The following GPM6B variants were observed in gnomAD, a reference collection of about 807,000 sequenced individuals.
GPM6B encodes the protein glycoprotein M6B, also known as neuronal membrane glycoprotein M6-b.
Under a neutral mutation model 27.2 loss-of-function variants are expected in GPM6B, and 4 were observed. The ratio of observed to expected loss-of-function variants is 0.15; its 90% CI spans 0.07 to 0.34. The LOEUF (loss-of-function observed/expected upper bound fraction) is 0.34. GPM6B is among the 10% of genes least tolerant of loss of function. The probability of loss-of-function intolerance (pLI) is 1.00; values close to 1 mark genes in which losing one functional copy is unlikely to be tolerated. For missense variants in GPM6B, 183 were observed against 261.9 expected (o/e 0.70, Z 2.08); for synonymous variants, 124 against 103.1 (o/e 1.20, Z -1.23).
chrX:13,853,264 C>T (rs2049740571), intron 1 of GPM6B, among the ~76,000 whole-genome samples: 1 of 110,710 alleles, frequency 9.0e-6, no homozygotes, highest in Admixed American at 9.7e-5. Context: ...GTACTTAGAG[C>T]CAATATTTAT....
At chrX:13,784,943 G>C (rs888399032) in intron 3 of GPM6B, among the ~76,000 whole-genome samples, 1 of 111,605 alleles carries the variant, frequency 9.0e-6, no homozygotes, top group African/African-American at 3.3e-5. Flanking sequence ...TACCATTCCA[G>C]GGATGGTCAC....
At chrX:13,918,743 C>G (rs1223905221) in intron 1 of GPM6B, among the ~76,000 whole-genome samples, 1 of 111,297 alleles carries the variant, frequency 9.0e-6, no homozygotes, top group African/African-American at 3.3e-5. Flanking sequence ...AAAGGGGAAG[C>G]AGGCACCTAA....
intron 1 of GPM6B, among the ~76,000 whole-genome samples, chrX:13,924,216 C>G (rs1012553907): frequency 8.9e-6 from 1 of 112,530 alleles, no homozygotes; most frequent in Admixed American, 9.4e-5. Context: ...GTGTGAAAAT[C>G]ATGACTTAAC....
chrX:13,841,925 G>A (rs2049580924), intron 1 of GPM6B, among the ~76,000 whole-genome samples: 1 of 111,314 alleles, frequency 9.0e-6, no homozygotes, highest in African/African-American at 3.3e-5. Flanking sequence ...CCTCCCTTTC[G>A]ATTTGTTCTA....
chrX:13,913,211 A>G (rs1381132193), intron 1 of GPM6B, among the ~76,000 whole-genome samples: 1 of 111,348 alleles, frequency 9.0e-6, no homozygotes, highest in Non-Finnish European at 1.9e-5. Context: ...GTGCAGTGTC[A>G]CAACCTTGGT....
At chrX:13,809,411 G>A (rs1026264626) in intron 1 of GPM6B, among the ~76,000 whole-genome samples, 2 of 111,821 alleles carry the variant, frequency 1.8e-5, no homozygotes, top group South Asian at 3.7e-4. Context: ...TAAAGAAACG[G>A]TCCAGGTCCT....
At chrX:13,791,695 G>C (rs938027682) in intron 2 of GPM6B, among the ~76,000 whole-genome samples, 1 of 111,691 alleles carries the variant, frequency 9.0e-6, no homozygotes, top group Non-Finnish European at 1.9e-5. Context: ...CTTTTGTGCA[G>C]AACAACAGAA....
chrX:13,794,464 T>A (rs923439657), intron 2 of GPM6B, among the ~76,000 whole-genome samples: 1 of 111,315 alleles, frequency 9.0e-6, no homozygotes, highest in African/African-American at 3.3e-5. Flanking sequence ...GAGCCAGGAG[T>A]GGGCCCTCAA....
intron 1 of GPM6B, among the ~76,000 whole-genome samples, chrX:13,856,445 C>G (rs1259412498): frequency 1.8e-5 from 2 of 111,713 alleles, no homozygotes; most frequent in African/African-American, 3.3e-5. Context: ...ATCCTCAGAC[C>G]CCCCTGAATC....
At chrX:13,906,946 T>C (rs778222065) in intron 1 of GPM6B, among the ~76,000 whole-genome samples, 1 of 112,276 alleles carries the variant, frequency 8.9e-6, no homozygotes, top group Non-Finnish European at 1.9e-5. Flanking sequence ...TCAGGAATGA[T>C]GGTCATAAAA....
Position 13,811,868 on chromosome X carries a change from C to T in GPM6B, c.62-4099G>A, listed in dbSNP as rs140570135. The stretch of plus-strand genomic sequence containing the variant: ...TCAGCTGGCTAAGGATCAAAATTCT[C>T]GTCTATGGCATTTTGTCTGCTATTT... On this transcript the variant is annotated intron_variant, in intron 1 of 7. Coordinates refer to ENST00000316715, the MANE Select transcript of GPM6B (RefSeq NM_001001995.3). Among the ~76,000 whole-genome samples the T allele has an allele frequency of 3.3e-4, 37 of 110,844 alleles. 2 individuals carry two copies. In the East Asian group the frequency reaches 0.01, roughly 31 times the overall value.
Position 13,791,831 on chromosome X carries a change from G to A in GPM6B, c.182-6023C>T, listed in dbSNP as rs746828193. On this transcript the variant is annotated intron_variant, in intron 2 of 7. Transcript: ENST00000316715. ...AGATTTAATGCTGGCTCAGACGTAG[G>A]GCTGGCAGGAACAAGGGCTCAGATT... Among the ~76,000 whole-genome samples, 344 of 110,383 alleles carry A rather than the reference G, an allele frequency of 3.1e-3. 2 individuals carry two copies. Among genetic ancestry groups the A allele is most frequent in the African/African-American group, 0.011 (321 of 30,274 alleles).
chrX:13,914,498 G>A (rs893447040), intron 1 of GPM6B, among the ~76,000 whole-genome samples: 8 of 112,624 alleles, frequency 7.1e-5, no homozygotes, highest in African/African-American at 2.6e-4. Flanking sequence ...GGATGTGAAG[G>A]TGATTGCAGG....
At position 13,817,039 on chromosome X, in the gene GPM6B, G is replaced by T. The variant is rs1164984903; in HGVS notation, c.-135C>A. 6.5e-6 allele frequency: 7 copies of T among 1,079,328 alleles called. No homozygotes were observed. In the Admixed American group the frequency reaches 2.6e-4, roughly 40 times the overall value. The allele number at this position is 1,079,328 out of a possible 1,213,427, so 88.9% of individuals were successfully genotyped here. A position where few individuals can be genotyped will look rare whatever the true frequency, so the allele number is the denominator to read the frequency against. On this transcript the variant is annotated 5_prime_UTR_variant, in exon 1 of 8. The change creates a new upstream start codon in the 5' untranslated region. Transcript: ENST00000316715. ...TTGAGAGGCTCTGTTCTTCACTACA[G>T]TAGATTACAGTCCCTTCCAAGATGC...
At chrX:13,893,275 A>G (rs1248900263) in intron 1 of GPM6B, among the ~76,000 whole-genome samples, 1 of 111,296 alleles carries the variant, frequency 9.0e-6, no homozygotes, top group East Asian at 2.8e-4. Flanking sequence ...AGGGATCTCC[A>G]AGATCTCACA....
chrX:13,861,059 TAC>T (rs1440688988), intron 1 of GPM6B, among the ~76,000 whole-genome samples: 1 of 106,566 alleles, frequency 9.4e-6, no homozygotes, highest in Non-Finnish European at 1.9e-5. Context: ...TACATATATA[TAC>T]ACATACATAT....
At chrX:13,816,629 C>T (rs989979228) in intron 1 of GPM6B, among the ~76,000 whole-genome samples, 2 of 111,144 alleles carry the variant, frequency 1.8e-5, no homozygotes, top group Non-Finnish European at 1.9e-5. Flanking sequence ...TGAAATATCA[C>T]GTCGGTAGAA....
upstream of GPM6B, among the ~76,000 whole-genome samples, chrX:13,817,976 T>C (rs1383774563): frequency 1.8e-5 from 2 of 112,275 alleles, no homozygotes; most frequent in African/African-American, 3.2e-5. Flanking sequence ...CTCATTAGAA[T>C]TCCTCACTCC....
intron 1 of GPM6B, among the ~76,000 whole-genome samples, chrX:13,830,096 A>G (rs2049421330): frequency 9.0e-6 from 1 of 111,562 alleles, no homozygotes; most frequent in South Asian, 3.8e-4. Context: ...ATGTGAGCAA[A>G]GGAGCTACGT....
Sources: allele counts gnomAD v4.1 joint callset (sites outside exome capture counted in the v4.1 genomes callset), GRCh38; gene constraint gnomAD v4.1.1; transcripts MANE v1.5; gene names NCBI Gene and HGNC (gene_info 2026-07-23, HGNC 2026-07-21).